The following DIAPH1 variants were observed in gnomAD, a reference collection of about 807,000 sequenced individuals.
DIAPH1 encodes the protein protein diaphanous homolog 1.
DIAPH1 carries 46 observed loss-of-function variants against 140.7 expected under a neutral mutation model. That is an observed-to-expected ratio of 0.33 (90% CI 0.26 to 0.42). DIAPH1 has a LOEUF of 0.42. Ranked by LOEUF, DIAPH1 falls within the 10% of genes least tolerant of loss-of-function variation. The pLI is 1.00. For synonymous variants in DIAPH1, 565 were observed against 551.6 expected, an observed-to-expected ratio of 1.02 and a Z score of -0.34; for missense variants, 1,310 against 1,558.7, an observed-to-expected ratio of 0.84 and a Z score of 2.69.
intron 18 of DIAPH1, among the ~76,000 whole-genome samples, chr5:141,570,174 G>C (rs763987421): frequency 6.6e-6 from 1 of 151,976 alleles, no homozygotes; most frequent in Non-Finnish European, 1.5e-5. Flanking sequence ...GGAGAAAAGG[G>C]GCCCAGTCAG....
intron 1 of DIAPH1, among the ~76,000 whole-genome samples, chr5:141,608,698 T>C (rs1445723685): frequency 6.6e-6 from 1 of 152,204 alleles, no homozygotes; most frequent in Non-Finnish European, 1.5e-5. Flanking sequence ...GGCAATGTCT[T>C]AATTATTAAC....
At chr5:141,598,683 T>G (rs1562342655) in intron 1 of DIAPH1, among the ~76,000 whole-genome samples, 1 of 152,180 alleles carries the variant, frequency 6.6e-6, no homozygotes, top group Admixed American at 6.5e-5. Flanking sequence ...AGATACTTTA[T>G]AGTTTATAAC....
chr5:141,516,993 C>T lies in DIAPH1; in HGVS notation c.3677G>A (p.Gly1226Glu), dbSNP rs2099885784. ...AGCTAGCAGAGATGTGACTGCACAC[C>T]CGGCCTTCCTGTTGGCTGCAAGAGA... ...RGPRQANRKA[G>E]CAVTSLLASE... The change falls in exon 28 of 28, where the codon GGG (glycine) becomes GAG (glutamate). Residue 1226 changes from glycine to glutamate, a missense_variant. By Grantham distance (98) the Gly-to-Glu change is moderately conservative. Coordinates refer to ENST00000389054, the MANE Select transcript of DIAPH1 (RefSeq NM_005219.5). 1 of 1,614,082 alleles carries T rather than the reference C, an allele frequency of 6.2e-7. No homozygotes were observed. Among genetic ancestry groups the T allele is most frequent in the Admixed American group, 1.7e-5 (1 of 60,010 alleles).
chr5:141,541,483 T>C (rs1397225434), intron 18 of DIAPH1, among the ~76,000 whole-genome samples: 1 of 150,252 alleles, frequency 6.7e-6, no homozygotes, highest in South Asian at 2.1e-4. Context: ...AAGTCAGGAG[T>C]TCGAGATCAG....
intron 18 of DIAPH1, among the ~76,000 whole-genome samples, chr5:141,557,448 A>AT (rs1245051889): frequency 6.6e-6 from 1 of 152,044 alleles, no homozygotes; most frequent in African/African-American, 2.4e-5. Flanking sequence ...GTGTGCGTGC[A>AT]TTTTTTTCAC....
At chr5:141,543,581 T>C (rs1393816843) in intron 18 of DIAPH1, among the ~76,000 whole-genome samples, 2 of 152,218 alleles carry the variant, frequency 1.3e-5, no homozygotes, top group South Asian at 2.1e-4. Context: ...CAAAATTCAT[T>C]ATCAACATTA....
chr5:141,520,762 C>T (rs1012757638), intron 27 of DIAPH1, among the ~76,000 whole-genome samples: 3 of 152,120 alleles, frequency 2.0e-5, no homozygotes, highest in Admixed American at 1.3e-4. Flanking sequence ...AGAATATTTC[C>T]GGCCCATACT....
At chr5:141,578,834 T>G (rs1165406470) in intron 9 of DIAPH1, among the ~76,000 whole-genome samples, 2 of 152,162 alleles carry the variant, frequency 1.3e-5, no homozygotes, top group African/African-American at 4.8e-5. Context: ...GATTTGAGAG[T>G]ATATGTTATT....
At position 141,579,257 on chromosome 5, in the gene DIAPH1, TGAGTA is replaced by T. The variant is rs951887511; in HGVS notation, c.825-66_825-62del. 4.0e-6 allele frequency: 5 copies of T among 1,239,352 alleles called. No individual in the cohort carries two copies. In the African/African-American group the frequency reaches 7.4e-5, roughly 18 times the overall value. The allele number at this position is 1,239,352 out of a possible 1,614,324, so 76.8% of individuals were successfully genotyped here. A position where few individuals can be genotyped will look rare whatever the true frequency, so the allele number is the denominator to read the frequency against. On this transcript the variant is annotated intron_variant, in intron 8 of 27. Coordinates refer to ENST00000389054, the MANE Select transcript of DIAPH1 (RefSeq NM_005219.5). ...GGTACTGTGACACGGACACGTATAA[TGAGTA>T]AATTACACAGGGGCACAGACCGATT...
rs901377902 is a variant in DIAPH1, at chr5:141,516,833, G to A, written c.*18C>T. The A allele has an allele frequency of 3.7e-6, 6 of 1,613,612 alleles. No individual in the cohort carries two copies. The highest frequency in any genetic ancestry group is 2.2e-5 in the East Asian group (1 of 44,884). On this transcript the variant is annotated 3_prime_UTR_variant, in exon 28 of 28. Coordinates refer to ENST00000389054, the MANE Select transcript of DIAPH1 (RefSeq NM_005219.5). ...TCTGCGGCTCCGCTGAGGAGCTGCC[G>A]CGGTCACAGGACCCACATTAGCTTG... is the stretch of plus-strand genomic sequence containing the variant.
chr5:141,597,708 C>T (rs939950062), intron 1 of DIAPH1, among the ~76,000 whole-genome samples: 3 of 152,204 alleles, frequency 2.0e-5, no homozygotes, highest in African/African-American at 4.8e-5. Context: ...TCATCACCAT[C>T]ATCTGCTTTT....
chr5:141,525,899 TCA>T, intron 26 of DIAPH1, 137 bp downstream of exon 26: 6 of 1,361,332 alleles, frequency 4.4e-6, no homozygotes, highest in Non-Finnish European at 6.2e-6. Flanking sequence ...AAGTCCGGCA[TCA>T]GGATCTCGGA....
rs559362330 is a variant in DIAPH1 at position 141,580,892 on chromosome 5, A to C, written c.685-9T>G. The C allele has an allele frequency of 6.2e-7, 1 of 1,614,146 alleles. No individual in the cohort carries two copies. Among genetic ancestry groups the C allele is most frequent in the African/African-American group, 1.3e-5 (1 of 75,046 alleles). On this transcript the variant is annotated splice_polypyrimidine_tract_variant and intron_variant, in intron 7 of 27. Transcript: ENST00000389054. The stretch of plus-strand genomic sequence containing the variant: ...ATGGTCTTGATTCCAAACTGGTAGG[A>C]CCAAGAACAAAGAAAGGAGGCTGAA...
intron 21 of DIAPH1, 99 bp from the exon 22 acceptor site, chr5:141,529,040 G>C: frequency 1.3e-6 from 2 of 1,586,340 alleles, no homozygotes; most frequent in Non-Finnish European, 1.7e-6. Flanking sequence ...CAGCTCCAGA[G>C]CAGGGAGAAG....
At chr5:141,541,449 A>G (rs2099889947) in intron 18 of DIAPH1, among the ~76,000 whole-genome samples, 1 of 152,166 alleles carries the variant, frequency 6.6e-6, no homozygotes, top group Non-Finnish European at 1.5e-5. Flanking sequence ...GCACTTTGGG[A>G]GGCCAAGGCA....
chr5:141,554,968 T>C (rs2099892332), intron 18 of DIAPH1, among the ~76,000 whole-genome samples: 1 of 151,990 alleles, frequency 6.6e-6, no homozygotes, highest in Admixed American at 6.6e-5. Context: ...GGGGTGGAGG[T>C]TCAGTTGTAA....
In DIAPH1 at chr5:141,579,085, T is replaced by C. The variant is rs1308537661; in HGVS notation, c.933+3A>G. 4.4e-6 allele frequency: 7 copies of C among 1,609,100 alleles called. No homozygotes were observed. The highest frequency in any genetic ancestry group is 1.3e-5 in the African/African-American group (1 of 74,970). On this transcript the variant is annotated splice_donor_region_variant and intron_variant, in intron 9 of 27. Transcript: ENST00000389054. ...TGGGCCCAGTTTCAGGGGATATACA[T>C]GCCTTCAGTGCAATAGTGGTTCCAC...
Position 141,529,108 on chromosome 5 carries a change from G to GCT in DIAPH1, c.2778+62_2778+63dup, listed in dbSNP as rs983222159. 13 of 1,548,676 alleles carry GCT rather than the reference G, an allele frequency of 8.4e-6. No homozygotes were observed. In the African/African-American group the frequency reaches 1.8e-4, roughly 21 times the overall value. ...GCGGCAAGGAGCATATGCCCAGGCT[G>GCT]CTCTCTAGAGGGGAGGGGAATACAG... On this transcript the variant is annotated intron_variant, in intron 21 of 27. Coordinates refer to ENST00000389054, the MANE Select transcript of DIAPH1 (RefSeq NM_005219.5).
At chr5:141,521,483 T>C (rs1047997145) in intron 27 of DIAPH1, among the ~76,000 whole-genome samples, 4 of 152,202 alleles carry the variant, frequency 2.6e-5, no homozygotes, top group African/African-American at 4.8e-5. Flanking sequence ...ATGTTGCTTT[T>C]AATGAACCAA....
Sources: gnomAD v4.1 joint callset for allele counts (sites outside exome capture counted in the v4.1 genomes callset) on GRCh38, gnomAD v4.1.1 for gene constraint, MANE v1.5 for transcripts, NCBI Gene and HGNC (gene_info 2026-07-23, HGNC 2026-07-21) for gene names.